TBC1D5: variants seen among roughly 807,000 people sequenced by gnomAD.
TBC1D5 encodes the protein TBC1 domain family member 5, also known as TBC1 domain family, member 5.
In TBC1D5, 75 loss-of-function variants were observed where a neutral mutation model predicts 100.3. The ratio of observed to expected loss-of-function variants is 0.75; its 90% CI spans 0.62 to 0.91. The LOEUF is 0.91. Among genes scored for constraint, TBC1D5 ranks in the 40% least tolerant of loss-of-function variants. TBC1D5 has a pLI of 0.00. For synonymous variants in TBC1D5, 323 were observed against 325.6 expected (o/e 0.99, Z 0.09); for missense variants, 910 against 942.4 (o/e 0.97, Z 0.45).
In TBC1D5 at chr3:17,656,871, A is replaced by G. The variant is rs1178343117; in HGVS notation, c.-100-32958T>C. ...ATGCGCATTCGAATGGAATAGTTCA[A>G]GCACCTAGGCCCACACTGCTGATGG... On this transcript the variant is annotated intron_variant, in intron 1 of 21. Coordinates refer to ENST00000253692, the Ensembl canonical transcript of TBC1D5. Among the ~76,000 whole-genome samples the G allele has an allele frequency of 3.3e-5, 5 of 152,280 alleles. No individual in the cohort carries two copies. The East Asian group carries it at 5.8e-4, about 18-fold the overall frequency.
chr3:17,617,970 A>C (rs2062324741), intron 2 of TBC1D5, among the ~76,000 whole-genome samples: 1 of 152,162 alleles, frequency 6.6e-6, no homozygotes, highest in Non-Finnish European at 1.5e-5. Flanking sequence ...GTTTTGGAGG[A>C]GAACAGGCGC....
chr3:17,175,688 G>A (rs1195684962), intron 19 of TBC1D5, among the ~76,000 whole-genome samples: 1 of 152,186 alleles, frequency 6.6e-6, no homozygotes, highest in African/African-American at 2.4e-5. Context: ...AGCAGTTTGG[G>A]TGTGACTGCC....
chr3:17,527,386 A>G (rs1297478112), intron 2 of TBC1D5, among the ~76,000 whole-genome samples: 1 of 152,172 alleles, frequency 6.6e-6, no homozygotes, highest in Non-Finnish European at 1.5e-5. Flanking sequence ...ATACTGGGGG[A>G]AAAAGAAGGG....
chr3:17,403,529 A>G (rs542512564), intron 7 of TBC1D5, among the ~76,000 whole-genome samples: 3 of 152,106 alleles, frequency 2.0e-5, no homozygotes, highest in Non-Finnish European at 2.9e-5. Flanking sequence ...CTGTGGATCA[A>G]AAATATTGGG....
intron 8 of TBC1D5, among the ~76,000 whole-genome samples, chr3:17,398,434 C>T (rs889555108): frequency 2.6e-5 from 4 of 152,074 alleles, no homozygotes; most frequent in African/African-American, 4.8e-5. Context: ...CTCATGAAAT[C>T]AAATTATCTT....
At chr3:17,246,430 A>C (rs1400138213) in intron 16 of TBC1D5, among the ~76,000 whole-genome samples, 2 of 152,224 alleles carry the variant, frequency 1.3e-5, no homozygotes, top group Non-Finnish European at 2.9e-5. Context: ...AGTTGATTGT[A>C]AAATTTATAT....
chr3:17,607,894 ACAC>A (rs1560269299), intron 2 of TBC1D5, among the ~76,000 whole-genome samples: 1 of 152,304 alleles, frequency 6.6e-6, no homozygotes, highest in Non-Finnish European at 1.5e-5. Context: ...CTGACATTCA[ACAC>A]CACTCATGAT....
At chr3:17,302,768 A>T (rs1161473952) in intron 14 of TBC1D5, among the ~76,000 whole-genome samples, 1 of 152,184 alleles carries the variant, frequency 6.6e-6, no homozygotes, top group Non-Finnish European at 1.5e-5. Flanking sequence ...CCCTCAGATG[A>T]AACATCCTCT....
At chr3:17,430,614 T>C (rs2094432541) in intron 3 of TBC1D5, among the ~76,000 whole-genome samples, 1 of 151,882 alleles carries the variant, frequency 6.6e-6, no homozygotes, top group Non-Finnish European at 1.5e-5. Flanking sequence ...GTTGGCTATA[T>C]GGGGAAAAGG....
At chr3:17,549,380 T>C (rs2096452114) in intron 2 of TBC1D5, among the ~76,000 whole-genome samples, 1 of 152,322 alleles carries the variant, frequency 6.6e-6, no homozygotes, top group African/African-American at 2.4e-5. Context: ...GTGCAGAGAA[T>C]TGGTATTTCT....
At chr3:17,341,846 C>T (rs2089005112) in intron 13 of TBC1D5, among the ~76,000 whole-genome samples, 1 of 152,046 alleles carries the variant, frequency 6.6e-6, no homozygotes, top group Non-Finnish European at 1.5e-5. Flanking sequence ...ATCATTTTAC[C>T]TCTCTCCCAC....
At chr3:17,459,326 G>A (rs2095155733) in intron 3 of TBC1D5, among the ~76,000 whole-genome samples, 1 of 152,068 alleles carries the variant, frequency 6.6e-6, no homozygotes, top group Admixed American at 6.6e-5. Context: ...TTCTCATAAG[G>A]AGTGTGCAAC....
intron 9 of TBC1D5, among the ~76,000 whole-genome samples, chr3:17,381,110 G>A (rs2092927332): frequency 6.6e-6 from 1 of 152,026 alleles, no homozygotes; most frequent in African/African-American, 2.4e-5. Context: ...CCAGGAGTAA[G>A]TTAATAATAG....
chr3:17,439,356 G>A (rs114114634), intron 3 of TBC1D5, among the ~76,000 whole-genome samples: 302 of 152,200 alleles, frequency 2.0e-3, no homozygotes, highest in African/African-American at 6.9e-3. Context: ...ACAGCTATCT[G>A]AACAAGTTCA....
chr3:17,477,001 C>G (rs2095445398), intron 3 of TBC1D5, among the ~76,000 whole-genome samples: 1 of 150,190 alleles, frequency 6.7e-6, no homozygotes, highest in African/African-American at 2.4e-5. Flanking sequence ...AAAGAGAAAA[C>G]TTTTAACATT....
At chr3:17,366,672 A>G (rs898991467) in intron 13 of TBC1D5, among the ~76,000 whole-genome samples, 1 of 152,132 alleles carries the variant, frequency 6.6e-6, no homozygotes, top group Non-Finnish European at 1.5e-5. Flanking sequence ...GTTGAGAGAT[A>G]TAATCTTTTA....
At chr3:17,460,883 TA>T (rs1272929222) in intron 3 of TBC1D5, among the ~76,000 whole-genome samples, 1 of 152,094 alleles carries the variant, frequency 6.6e-6, no homozygotes, top group Non-Finnish European at 1.5e-5. Flanking sequence ...ATCTTTTGAT[TA>T]AAAAAGTACT....
intron 2 of TBC1D5, among the ~76,000 whole-genome samples, chr3:17,597,373 A>T (rs781743417): frequency 3.9e-5 from 6 of 152,206 alleles, no homozygotes; most frequent in Non-Finnish European, 7.3e-5. Context: ...AAAAACAGAT[A>T]AGAGAAACTC....
intron 2 of TBC1D5, among the ~76,000 whole-genome samples, chr3:17,532,022 A>T (rs1161841955): frequency 1.3e-5 from 2 of 152,222 alleles, no homozygotes; most frequent in African/African-American, 4.8e-5. Context: ...GAACAGCAAA[A>T]GAAACTACCG....
Sources: gnomAD v4.1 joint callset for allele counts (sites outside exome capture counted in the v4.1 genomes callset) on GRCh38, gnomAD v4.1.1 for gene constraint, MANE v1.5 for transcripts, NCBI Gene and HGNC (gene_info 2026-07-23, HGNC 2026-07-21) for gene names.